SNX24: variants seen among roughly 807,000 people sequenced by gnomAD.
The protein encoded by SNX24 is sorting nexin 24.
SNX24 carries 22 observed loss-of-function variants against 28.7 expected under a neutral mutation model. The ratio of observed to expected loss-of-function variants is 0.77; its 90% CI spans 0.55 to 1.10. SNX24 has a LOEUF of 1.10. SNX24 is among the 50% of genes least tolerant of loss of function. The pLI, the probability that SNX24 is intolerant of heterozygous loss-of-function variation, is 0.00. For missense variants in SNX24, 221 were observed against 201.1 expected, an observed-to-expected ratio of 1.10 and a Z score of -0.60; for synonymous variants, 69 against 71.5, an observed-to-expected ratio of 0.96 and a Z score of 0.18.
At chr5:122,862,479 G>C (rs969172288) in intron 1 of SNX24, among the ~76,000 whole-genome samples, 6 of 152,000 alleles carry the variant, frequency 3.9e-5, no homozygotes, top group Admixed American at 3.9e-4. Context: ...GGCGGCGCCT[G>C]TAGTCCCAGC....
intron 1 of SNX24, among the ~76,000 whole-genome samples, chr5:122,864,391 A>G (rs571631247): frequency 9.2e-5 from 14 of 152,318 alleles, no homozygotes; most frequent in Middle Eastern, 3.4e-3. Context: ...TAACCGCCCA[A>G]TGGGTTCACC....
chr5:122,970,416 A>G (rs996095010), intron 3 of SNX24, among the ~76,000 whole-genome samples: 5 of 152,066 alleles, frequency 3.3e-5, no homozygotes, highest in African/African-American at 1.2e-4. Context: ...CTCCTTGCCA[A>G]CTACAAAATT....
intron 1 of SNX24, among the ~76,000 whole-genome samples, chr5:122,885,763 G>T (rs1756680888): frequency 6.6e-6 from 1 of 152,148 alleles, no homozygotes; most frequent in Non-Finnish European, 1.5e-5. Flanking sequence ...AAAAATAAGA[G>T]CAAAGGTACT....
intron 2 of SNX24, among the ~76,000 whole-genome samples, chr5:122,939,773 C>G (rs1759358758): frequency 6.6e-6 from 1 of 152,058 alleles, no homozygotes; most frequent in African/African-American, 2.4e-5. Flanking sequence ...CTGCAGTACC[C>G]CAGATGATTA....
chr5:123,007,678 TCAG>T lies in SNX24; in HGVS notation c.443-3_443-1del, dbSNP rs763055034. On this transcript the variant is annotated splice_acceptor_variant and splice_polypyrimidine_tract_variant and intron_variant, in intron 6 of 6. Transcript: ENST00000261369. LOFTEE classifies it high-confidence loss of function. ...TTTTTTCTTTTTTTTTTTCTTTTTT[TCAG>T]ATTTTCCAAATGTGGTTATTGAAGG... 8.9e-6 allele frequency: 14 copies of T among 1,577,048 alleles called. No homozygotes were observed. The highest frequency in any genetic ancestry group is 6.7e-5 in the East Asian group (3 of 44,548).
chr5:122,998,608 G>A (rs535916752), intron 3 of SNX24, among the ~76,000 whole-genome samples: 149 of 152,258 alleles, frequency 9.8e-4, no homozygotes, highest in Non-Finnish European at 1.6e-3. Flanking sequence ...CCTCTCCAGG[G>A]ACTGAACACC....
chr5:122,854,004 C>A (rs918844570), intron 1 of SNX24, among the ~76,000 whole-genome samples: 2 of 121,878 alleles, frequency 1.6e-5, no homozygotes, highest in African/African-American at 6.7e-5. Flanking sequence ...CTAAATCAAA[C>A]ACACTGCATC....
chr5:122,938,311 C>CA (rs1488201681), intron 2 of SNX24, among the ~76,000 whole-genome samples: 1 of 151,794 alleles, frequency 6.6e-6, no homozygotes, highest in Non-Finnish European at 1.5e-5. Context: ...TATTCATGGT[C>CA]AAAAAAAATC....
At chr5:122,846,129 T>G (rs774622079) in intron 1 of SNX24, among the ~76,000 whole-genome samples, 7 of 152,144 alleles carry the variant, frequency 4.6e-5, no homozygotes, top group Non-Finnish European at 8.8e-5. Flanking sequence ...TTTTAAATCA[T>G]AATTTGCAGC....
intron 3 of SNX24, among the ~76,000 whole-genome samples, chr5:122,974,652 A>G (rs1288932489): frequency 6.6e-6 from 1 of 152,254 alleles, no homozygotes; most frequent in African/African-American, 2.4e-5. Context: ...ATACACTGTC[A>G]TTCTCCAAAA....
intron 1 of SNX24, among the ~76,000 whole-genome samples, chr5:122,914,452 A>G (rs1163557605): frequency 1.3e-5 from 2 of 151,414 alleles, no homozygotes; most frequent in Non-Finnish European, 2.9e-5. Flanking sequence ...TATTGATTGG[A>G]ATAGTTTCAG....
chr5:122,991,646 A>T (rs1761853856), intron 3 of SNX24, among the ~76,000 whole-genome samples: 2 of 152,106 alleles, frequency 1.3e-5, no homozygotes, highest in African/African-American at 4.8e-5. Flanking sequence ...TTTTTAGTAG[A>T]GATGGGGCTT....
At chr5:122,902,335 A>T (rs1311665569) in intron 1 of SNX24, among the ~76,000 whole-genome samples, 2 of 152,224 alleles carry the variant, frequency 1.3e-5, no homozygotes, top group Non-Finnish European at 2.9e-5. Context: ...CAGGTTCAAG[A>T]GGCTGAAGAA....
At chr5:122,940,883 T>C (rs1325439413) in intron 2 of SNX24, among the ~76,000 whole-genome samples, 1 of 152,234 alleles carries the variant, frequency 6.6e-6, no homozygotes, top group Admixed American at 6.5e-5. Context: ...TTAAAATTTA[T>C]TACCTGACTG....
chr5:122,857,607 G>T (rs1755259632), intron 1 of SNX24, among the ~76,000 whole-genome samples: 1 of 151,956 alleles, frequency 6.6e-6, no homozygotes, highest in Non-Finnish European at 1.5e-5. Flanking sequence ...TCCCCTCTAT[G>T]TGTCCATGTC....
intron 1 of SNX24, among the ~76,000 whole-genome samples, chr5:122,928,210 A>G (rs1408951340): frequency 6.6e-6 from 1 of 152,102 alleles, no homozygotes; most frequent in East Asian, 1.9e-4. Flanking sequence ...TTCTGTGACT[A>G]TTCACTCTTC....
chr5:122,955,558 T>C (rs1018533609), intron 3 of SNX24, among the ~76,000 whole-genome samples: 3 of 152,204 alleles, frequency 2.0e-5, no homozygotes, highest in Non-Finnish European at 4.4e-5. Context: ...GAAGATGGGA[T>C]GTGGAAGACA....
chr5:122,944,524 G>T (rs1204361929), intron 2 of SNX24, among the ~76,000 whole-genome samples: 1 of 152,122 alleles, frequency 6.6e-6, no homozygotes, highest in Admixed American at 6.5e-5. Context: ...ATTAGATTTG[G>T]CTGTAAGTGA....
intron 1 of SNX24, among the ~76,000 whole-genome samples, chr5:122,907,522 T>C (rs1757692105): frequency 2.6e-5 from 4 of 152,192 alleles, no homozygotes; most frequent in Non-Finnish European, 4.4e-5. Context: ...CCTTTTCTTC[T>C]GTTTGAGAAG....
Sources: gnomAD v4.1 joint callset for allele counts (sites outside exome capture counted in the v4.1 genomes callset) on GRCh38, gnomAD v4.1.1 for gene constraint, MANE v1.5 for transcripts, NCBI Gene and HGNC (gene_info 2026-07-23, HGNC 2026-07-21) for gene names.